The following DLC1 variants were observed in gnomAD, a reference collection of about 807,000 sequenced individuals.
The protein encoded by DLC1 is rho GTPase-activating protein 7.
A neutral mutation model predicts 140.3 loss-of-function variants in DLC1; 54 were observed. The ratio of observed to expected loss-of-function variants is 0.38; its 90% CI spans 0.31 to 0.48. The LOEUF (loss-of-function observed/expected upper bound fraction) is 0.48. Among genes scored for constraint, DLC1 ranks in the 20% least tolerant of loss-of-function variants. DLC1 has a pLI of 0.96. For missense variants in DLC1, 2,536 were observed against 1,907.0 expected (o/e 1.33, Z -6.14); for synonymous variants, 986 against 728.1 (o/e 1.35, Z -5.70).
chr8:13,477,530 C>G (rs1437721666), intron 2 of DLC1, among the ~76,000 whole-genome samples: 1 of 152,106 alleles, frequency 6.6e-6, no homozygotes, highest in East Asian at 1.9e-4. Flanking sequence ...ATATGATCTA[C>G]ATTTGATAAA....
At chr8:13,600,603 A>G (rs1190197305) in intron 1 of DLC1, among the ~76,000 whole-genome samples, 4 of 151,922 alleles carry the variant, frequency 2.6e-5, no homozygotes, top group African/African-American at 7.2e-5. Context: ...TGGCAATGTA[A>G]AAATAGATCA....
At chr8:13,580,382 A>G (rs992397739) in intron 1 of DLC1, among the ~76,000 whole-genome samples, 1 of 152,130 alleles carries the variant, frequency 6.6e-6, no homozygotes, top group Non-Finnish European at 1.5e-5. Context: ...CGGACTCCCA[A>G]AGTGCTGGGA....
chr8:13,537,143 C>G (rs1003354335), intron 1 of DLC1, among the ~76,000 whole-genome samples: 1 of 151,956 alleles, frequency 6.6e-6, no homozygotes, highest in African/African-American at 2.4e-5. Flanking sequence ...AACCACTAGT[C>G]TGCTATTATA....
intron 5 of DLC1, among the ~76,000 whole-genome samples, chr8:13,224,625 G>C (rs1828706027): frequency 6.6e-6 from 1 of 152,162 alleles, no homozygotes; most frequent in Admixed American, 6.5e-5. Flanking sequence ...TCTATTCTGG[G>C]AAGGTTCTGC....
chr8:13,393,168 A>C (rs1372553608), intron 4 of DLC1, among the ~76,000 whole-genome samples: 1 of 151,982 alleles, frequency 6.6e-6, no homozygotes, highest in Non-Finnish European at 1.5e-5. Flanking sequence ...ATCCATCATC[A>C]TCTGTCGTCT....
intron 5 of DLC1, among the ~76,000 whole-genome samples, chr8:13,275,707 C>T (rs1050721733): frequency 2.6e-5 from 4 of 152,172 alleles, no homozygotes; most frequent in Non-Finnish European, 4.4e-5. Context: ...ATTTCAAACG[C>T]CTGCCTCTGG....
intron 5 of DLC1, among the ~76,000 whole-genome samples, chr8:13,235,630 T>A (rs902114990): frequency 1.5e-4 from 23 of 152,144 alleles, no homozygotes; most frequent in Admixed American, 9.2e-4. Context: ...TCCATGGGTT[T>A]AACTCACAGG....
intron 15 of DLC1, 21 bp downstream of exon 15, chr8:13,090,231 G>A (rs374047766): frequency 6.2e-6 from 10 of 1,607,318 alleles, no homozygotes; most frequent in Non-Finnish European, 8.5e-6. Flanking sequence ...TCAACTAGCC[G>A]ACAACAGGGT....
At chr8:13,188,843 A>ATATATATATGTATATATATATATATAT (rs1247995559) in intron 5 of DLC1, among the ~76,000 whole-genome samples, 1 of 30,672 alleles carries the variant, frequency 3.3e-5, no homozygotes, top group Non-Finnish European at 6.2e-5. Context: ...ATATATATAT[A>ATATATATATGTATATATATATATATAT]TTTTTTTTTT....
At chr8:13,148,956 C>A (rs1487189924) in intron 5 of DLC1, among the ~76,000 whole-genome samples, 1 of 152,048 alleles carries the variant, frequency 6.6e-6, no homozygotes, top group African/African-American at 2.4e-5. Flanking sequence ...CCACGCCCGG[C>A]TAATTTTTTG....
At chr8:13,526,132 G>A (rs1420655670) in intron 1 of DLC1, among the ~76,000 whole-genome samples, 1 of 152,104 alleles carries the variant, frequency 6.6e-6, no homozygotes, top group African/African-American at 2.4e-5. Flanking sequence ...CCAACTATGT[G>A]TCTTCCTGTT....
intron 15 of DLC1, among the ~76,000 whole-genome samples, chr8:13,089,820 C>G (rs1238968223): frequency 2.0e-5 from 3 of 152,164 alleles, no homozygotes; most frequent in Non-Finnish European, 2.9e-5. Flanking sequence ...CCAGTCCTAA[C>G]TGGAGTTAAT....
chr8:13,579,005 C>T (rs977695774), intron 1 of DLC1, among the ~76,000 whole-genome samples: 2 of 151,536 alleles, frequency 1.3e-5, no homozygotes, highest in African/African-American at 2.4e-5. Context: ...GCTCCCATTC[C>T]GAGGCTATCC....
intron 5 of DLC1, among the ~76,000 whole-genome samples, chr8:13,196,202 G>A (rs1317572176): frequency 6.6e-6 from 1 of 151,878 alleles, no homozygotes; most frequent in Non-Finnish European, 1.5e-5. Flanking sequence ...GACTGGAGAG[G>A]TGTTTAAAAG....
chr8:13,384,311 C>G (rs1309169603), intron 4 of DLC1, among the ~76,000 whole-genome samples: 1 of 144,050 alleles, frequency 6.9e-6, no homozygotes. Flanking sequence ...ACTCCCACCC[C>G]ACAATCTTCC....
At chr8:13,156,937 C>T (rs1824300865) in intron 5 of DLC1, among the ~76,000 whole-genome samples, 2 of 151,684 alleles carry the variant, frequency 1.3e-5, no homozygotes, top group Non-Finnish European at 2.9e-5. Context: ...TTTTTTTTTC[C>T]GAGTATGAAG....
chr8:13,155,007 C>G lies in DLC1; in HGVS notation c.1349-39350G>C, dbSNP rs114141831. Reference sequence around the variant, plus strand: ...CTTTCGTATATGAGGTAGTATCATTCAAATCATTTTCTATGCAATTACTGT... The same window carrying G: ...CTTTCGTATATGAGGTAGTATCATTGAAATCATTTTCTATGCAATTACTGT... On this transcript the variant is annotated intron_variant, in intron 5 of 17. Transcript: ENST00000276297. Among the ~76,000 whole-genome samples the G allele has an allele frequency of 9.7e-3, 1,470 of 152,140 alleles. 18 individuals carry two copies. Among genetic ancestry groups the G allele is most frequent in the African/African-American group, 0.033 (1,360 of 41,530 alleles).
intron 4 of DLC1, among the ~76,000 whole-genome samples, chr8:13,318,685 T>C (rs1317015215): frequency 6.6e-6 from 1 of 152,194 alleles, no homozygotes; most frequent in African/African-American, 2.4e-5. Flanking sequence ...AAAGAAGTAA[T>C]TGAACACTGA....
chr8:13,471,846 C>T (rs1443415647), intron 2 of DLC1, among the ~76,000 whole-genome samples: 1 of 152,134 alleles, frequency 6.6e-6, no homozygotes, highest in East Asian at 1.9e-4. Flanking sequence ...ACGCTGAAGC[C>T]ACTCCCAAGC....
Sources: allele counts gnomAD v4.1 joint callset (sites outside exome capture counted in the v4.1 genomes callset), GRCh38; gene constraint gnomAD v4.1.1; transcripts MANE v1.5; gene names NCBI Gene and HGNC (gene_info 2026-07-23, HGNC 2026-07-21).